Variants in CCDC57 observed in about 807,000 individuals in gnomAD.
CCDC57 encodes coiled-coil domain containing 57.
Under a neutral mutation model 118.9 loss-of-function variants are expected in CCDC57, and 118 were observed. The observed-to-expected ratio is 0.99, with a 90% confidence interval of 0.86 to 1.16. The LOEUF (loss-of-function observed/expected upper bound fraction) is 1.16. Among genes scored for constraint, CCDC57 ranks in the 50% most tolerant of loss-of-function variants. The pLI is 0.00. For missense variants in CCDC57, 1,300 were observed against 1,320.7 expected, an observed-to-expected ratio of 0.98 and a Z score of 0.24; for synonymous variants, 527 against 532.9, an observed-to-expected ratio of 0.99 and a Z score of 0.15.
chr17:82,211,580 T>C (rs1202829315), intron 1 of CCDC57, among the ~76,000 whole-genome samples: 1 of 148,968 alleles, frequency 6.7e-6, no homozygotes, highest in East Asian at 1.9e-4. Flanking sequence ...CGAGTTTCGC[T>C]CTTGTCTCCC....
At chr17:82,120,224 C>G (rs1224741456) in intron 19 of CCDC57, among the ~76,000 whole-genome samples, 1 of 150,924 alleles carries the variant, frequency 6.6e-6, no homozygotes, top group African/African-American at 2.4e-5. Context: ...CTCCTGGGCT[C>G]AAGTGATCCG....
rs577315423 is a variant in CCDC57, at chr17:82,147,746, A to AGATG, written c.2455+3810_2455+3813dup. 1.6e-4 allele frequency among the ~76,000 whole-genome samples: 13 copies of AGATG among 83,176 alleles called. No homozygotes were observed. The South Asian group carries it at 3.1e-3, about 20-fold the overall frequency. 54.6% of individuals were successfully genotyped at this position (83,176 alleles called of 152,430 possible). ...GTGGATGGATGGGTGGGTGGATGGTAGATGGATGGATGGATGGGTTGGTGC... is the reference window on the plus strand; with the variant it reads ...GTGGATGGATGGGTGGGTGGATGGTAGATGGATGGATGGATGGATGGGTTGGTGC... On this transcript the variant is annotated intron_variant, in intron 16 of 19. Transcript: ENST00000665763.
intron 16 of CCDC57, among the ~76,000 whole-genome samples, chr17:82,150,007 AGGCGCACACCCAGAACCT>A (rs2041670377): frequency 7.8e-6 from 1 of 128,836 alleles, no homozygotes; most frequent in Non-Finnish European, 1.6e-5. Flanking sequence ...ACCCAGAACC[AGGCGCACACCCAGAACCT>A]GGCACACACC....
At chr17:82,135,086 AT>A in intron 16 of CCDC57, 1 of 148,764 alleles carries the variant, frequency 6.7e-6, no homozygotes, top group East Asian at 2.1e-4. Flanking sequence ...GACATTTCAC[AT>A]ATTGGAAATT....
chr17:82,201,649 G>A, exon 3 of CCDC57: 2 of 1,613,950 alleles, frequency 1.2e-6, no homozygotes, highest in Non-Finnish European at 1.7e-6. Flanking sequence ...CAGCTTAGCT[G>A]CCTCTATCTT....
chr17:82,116,102 C>CT (rs34960755), intron 19 of CCDC57, among the ~76,000 whole-genome samples: 3,612 of 127,798 alleles, frequency 0.028, 101 homozygotes, highest in African/African-American at 0.076. Context: ...CGGCCACAAC[C>CT]TTTTTTTTTT....
chr17:82,163,485 G>A lies in CCDC57; in HGVS notation c.1883-128C>T, dbSNP rs28546266. Reference sequence around the variant, plus strand: ...TGGCACCAGCGGCTGACCCCAATGCGAAGCTGTTCTTCATTGGAGTCAGCA... The same window carrying A: ...TGGCACCAGCGGCTGACCCCAATGCAAAGCTGTTCTTCATTGGAGTCAGCA... On this transcript the variant is annotated intron_variant, in intron 13 of 19. Coordinates refer to ENST00000665763, the Ensembl canonical transcript of CCDC57. The A allele has an allele frequency of 3.2e-3, 3,273 of 1,028,222 alleles. 68 individuals carry two copies. In the African/African-American group the frequency reaches 0.045, roughly 14 times the overall value. 63.7% of individuals were successfully genotyped at this position (1,028,222 alleles called of 1,614,324 possible). A position where few individuals can be genotyped will look rare whatever the true frequency, so the allele number is the denominator to read the frequency against.
chr17:82,124,928 A>G (rs2037215117), intron 19 of CCDC57, among the ~76,000 whole-genome samples: 1 of 152,220 alleles, frequency 6.6e-6, no homozygotes, highest in South Asian at 2.1e-4. Context: ...GAGTTGATGA[A>G]AATTTGGACA....
intron 19 of CCDC57, among the ~76,000 whole-genome samples, chr17:82,125,658 G>A (rs9646397): frequency 0.54 from 81,410 of 151,864 alleles, 22,647 homozygotes; most frequent in Non-Finnish European, 0.58. Flanking sequence ...TTATAGGCAC[G>A]AGCCACTGCC....
chr17:82,198,556 G>A (rs1357390163), intron 3 of CCDC57, 134 bp from the exon 3 acceptor site: 1 of 613,172 alleles, frequency 1.6e-6, no homozygotes, highest in Non-Finnish European at 2.9e-6. Context: ...GGACCCACGG[G>A]GTAGCAGAAC....
chr17:82,167,639 C>T (rs2044162772), intron 13 of CCDC57, among the ~76,000 whole-genome samples: 1 of 152,140 alleles, frequency 6.6e-6, no homozygotes, highest in African/African-American at 2.4e-5. Context: ...GCACCCGCAA[C>T]CACACCCGGC....
intron 8 of CCDC57, among the ~76,000 whole-genome samples, chr17:82,186,343 C>T (rs138353016): frequency 1.0e-3 from 155 of 152,270 alleles, no homozygotes; most frequent in Non-Finnish European, 1.7e-3. Flanking sequence ...AAGACTGCAA[C>T]GGGGGGCCAA....
At chr17:82,201,548 G>C in exon 3 of CCDC57, 4 of 1,604,322 alleles carry the variant, frequency 2.5e-6, no homozygotes, top group Non-Finnish European at 3.4e-6. Context: ...CTGTGGACGC[G>C]CTCCAGCTCC....
chr17:82,117,209 G>T (rs1477577997), intron 19 of CCDC57, among the ~76,000 whole-genome samples: 1 of 151,368 alleles, frequency 6.6e-6, no homozygotes, highest in Admixed American at 6.6e-5. Context: ...AAAAATTAGC[G>T]AGGCATGGTG....
At position 82,165,214 on chromosome 17, in the gene CCDC57, G is replaced by A. The variant is rs1162250336; in HGVS notation, c.1883-1857C>T. Among the ~76,000 whole-genome samples, 10 of 152,320 alleles carry A rather than the reference G, an allele frequency of 6.6e-5. No homozygotes were observed. The East Asian group carries it at 1.7e-3, about 26-fold the overall frequency. On this transcript the variant is annotated intron_variant, in intron 13 of 19. Coordinates refer to ENST00000665763, the Ensembl canonical transcript of CCDC57. ...CAAATCTGTCAAACTATAAAAAGAA[G>A]AATCTATCACTACATGTTGAATTCA...
chr17:82,142,201 A>G (rs2040101640), intron 16 of CCDC57, among the ~76,000 whole-genome samples: 1 of 152,242 alleles, frequency 6.6e-6, no homozygotes, highest in South Asian at 2.1e-4. Context: ...ATAGTTAAAT[A>G]AGTATTGCTG....
At chr17:82,211,769 C>T (rs926842530) in intron 1 of CCDC57, among the ~76,000 whole-genome samples, 2 of 152,152 alleles carry the variant, frequency 1.3e-5, no homozygotes, top group African/African-American at 2.4e-5. Context: ...CTGGGGCAAG[C>T]TGACTCCAAG....
chr17:82,187,692 G>T, intron 8 of CCDC57, among the ~76,000 whole-genome samples: 1 of 81,846 alleles, frequency 1.2e-5, no homozygotes, highest in African/African-American at 5.0e-5. Context: ...GTTGCGGGGG[G>T]TGCTGGCGGG....
At chr17:82,184,036 C>G (rs1425865487) in intron 8 of CCDC57, 104 bp from the exon 8 acceptor site, 2 of 351,220 alleles carry the variant, frequency 5.7e-6, no homozygotes, top group African/African-American at 6.9e-5. Context: ...CGCGCGCACA[C>G]ACACACACAC....
Sources: allele counts gnomAD v4.1 joint callset (sites outside exome capture counted in the v4.1 genomes callset), GRCh38; gene constraint gnomAD v4.1.1; transcripts MANE v1.5; gene names NCBI Gene and HGNC (gene_info 2026-07-23, HGNC 2026-07-21).